Variants in LEKR1 observed in about 807,000 individuals in gnomAD.
LEKR1 encodes protein LEKR1.
Under a neutral mutation model 72.4 loss-of-function variants are expected in LEKR1, and 59 were observed. That is an observed-to-expected ratio of 0.82 (90% CI 0.66 to 1.01). The LOEUF (loss-of-function observed/expected upper bound fraction) is 1.01. LEKR1 is among the 50% of genes least tolerant of loss of function. The pLI, the probability that LEKR1 is intolerant of heterozygous loss-of-function variation, is 0.00. For synonymous variants in LEKR1, 257 were observed against 263.2 expected, an observed-to-expected ratio of 0.98 and a Z score of 0.23; for missense variants, 728 against 759.2, an observed-to-expected ratio of 0.96 and a Z score of 0.48.
intron 3 of LEKR1, among the ~76,000 whole-genome samples, chr3:156,858,363 T>C (rs1051745631): frequency 3.3e-5 from 5 of 152,126 alleles, no homozygotes; most frequent in Admixed American, 1.3e-4. Flanking sequence ...TAATCAAATA[T>C]GTTCCTTTTT....
intron 9 of LEKR1, among the ~76,000 whole-genome samples, chr3:157,011,188 T>C (rs1347794758): frequency 6.6e-6 from 1 of 152,128 alleles, no homozygotes; most frequent in Non-Finnish European, 1.5e-5. Flanking sequence ...ATCTTATTAC[T>C]TATTAAGCAA....
chr3:157,018,361 C>G (rs541983684), intron 10 of LEKR1, among the ~76,000 whole-genome samples: 9 of 152,268 alleles, frequency 5.9e-5, no homozygotes, highest in Admixed American at 5.9e-4. Flanking sequence ...CTCAATTTGA[C>G]AGCAGAATAC....
chr3:156,882,343 A>G (rs1191285319), intron 3 of LEKR1, among the ~76,000 whole-genome samples: 1 of 151,374 alleles, frequency 6.6e-6, no homozygotes, highest in Admixed American at 6.6e-5. Flanking sequence ...TGGGCGAAGG[A>G]CATGAACAGA....
intron 3 of LEKR1, among the ~76,000 whole-genome samples, chr3:156,884,174 T>C (rs9877205): frequency 1.3e-5 from 2 of 152,326 alleles, no homozygotes; most frequent in East Asian, 3.9e-4. Flanking sequence ...TCATGTTTTA[T>C]GTGAGTCTCT....
chr3:156,847,047 A>G (rs980562432), intron 2 of LEKR1, among the ~76,000 whole-genome samples: 3 of 152,118 alleles, frequency 2.0e-5, no homozygotes, highest in Non-Finnish European at 2.9e-5. Context: ...GGCTCAAGCA[A>G]TCCACCTACC....
chr3:156,829,857 G>C (rs866922054), intron 2 of LEKR1, among the ~76,000 whole-genome samples: 3 of 151,970 alleles, frequency 2.0e-5, no homozygotes, highest in Non-Finnish European at 4.4e-5. Context: ...TTGAAGATTT[G>C]GAATGGTTTG....
At chr3:157,025,361 T>A (rs1734108995) in intron 11 of LEKR1, among the ~76,000 whole-genome samples, 1 of 152,210 alleles carries the variant, frequency 6.6e-6, no homozygotes, top group South Asian at 2.1e-4. Context: ...TAAAATGTAA[T>A]TACACCTCCC....
intron 6 of LEKR1, among the ~76,000 whole-genome samples, chr3:156,948,629 T>C (rs1406160794): frequency 6.6e-6 from 1 of 151,474 alleles, no homozygotes; most frequent in Non-Finnish European, 1.5e-5. Flanking sequence ...GCTATAAACA[T>C]TTGCATGCAT....
At chr3:157,006,961 G>A (rs1191957283) in intron 9 of LEKR1, among the ~76,000 whole-genome samples, 25 of 152,184 alleles carry the variant, frequency 1.6e-4, no homozygotes, top group Admixed American at 1.6e-3. Flanking sequence ...CAGCACTTTG[G>A]GAGGCCGAGG....
intron 2 of LEKR1, among the ~76,000 whole-genome samples, chr3:156,842,086 C>T (rs1430567214): frequency 6.6e-6 from 1 of 152,170 alleles, no homozygotes; most frequent in Non-Finnish European, 1.5e-5. Flanking sequence ...ACAATTTCAT[C>T]CCAAAATCAT....
chr3:156,968,439 A>C (rs983679751), intron 6 of LEKR1, among the ~76,000 whole-genome samples: 1 of 152,218 alleles, frequency 6.6e-6, no homozygotes, highest in Non-Finnish European at 1.5e-5. Flanking sequence ...AGATCTACCA[A>C]GCAAATGGAA....
At chr3:156,973,743 T>A (rs1729450150) in intron 6 of LEKR1, among the ~76,000 whole-genome samples, 1 of 151,388 alleles carries the variant, frequency 6.6e-6, no homozygotes, top group Non-Finnish European at 1.5e-5. Context: ...AAAAGGAGAG[T>A]CATGAATGGC....
At chr3:156,958,509 G>GC (rs2107981750) in intron 6 of LEKR1, among the ~76,000 whole-genome samples, 1 of 152,178 alleles carries the variant, frequency 6.6e-6, no homozygotes, top group African/African-American at 2.4e-5. Flanking sequence ...CCCCAAGCCT[G>GC]CCCCTTTGCT....
At chr3:156,854,137 C>CTTTT (rs370896609) in intron 3 of LEKR1, among the ~76,000 whole-genome samples, 21 of 108,228 alleles carry the variant, frequency 1.9e-4, no homozygotes, top group East Asian at 2.4e-4. Flanking sequence ...GTAAAAATCA[C>CTTTT]TTTTTTTTTT....
At chr3:156,884,904 A>G (rs1719890245) in intron 3 of LEKR1, among the ~76,000 whole-genome samples, 1 of 152,040 alleles carries the variant, frequency 6.6e-6, no homozygotes, top group South Asian at 2.1e-4. Context: ...TTTCTTCCTC[A>G]AGAGCACCAA....
intron 6 of LEKR1, among the ~76,000 whole-genome samples, chr3:156,968,572 C>G (rs147602363): frequency 4.2e-3 from 643 of 152,300 alleles, no homozygotes; most frequent in African/African-American, 0.015. Flanking sequence ...GAAGAGCTAA[C>G]TATCCTAAAT....
chr3:156,889,403 T>A (rs1720434561), intron 3 of LEKR1, among the ~76,000 whole-genome samples: 1 of 152,084 alleles, frequency 6.6e-6, no homozygotes, highest in Non-Finnish European at 1.5e-5. Context: ...TAGAAGGAGA[T>A]GAAAATAATT....
chr3:156,853,072 C>G lies in LEKR1; in HGVS notation c.263+90C>G, dbSNP rs373954094. The stretch of plus-strand genomic sequence containing the variant: ...CTTTGAATGTTTTTCTAAAATTTCT[C>G]TACATCAGGTATAGTTTATACTTTA... On this transcript the variant is annotated intron_variant, in intron 3 of 12. Coordinates refer to ENST00000356539, the MANE Select transcript of LEKR1 (RefSeq NM_001004316.3). 3 of 768,966 alleles carry G rather than the reference C, an allele frequency of 3.9e-6. 1 individual carries two copies. The highest frequency in any genetic ancestry group is 5.3e-5 in the Admixed American group (2 of 37,900). The allele number at this position is 768,966 out of a possible 1,614,324, so 47.6% of individuals were successfully genotyped here. A position where few individuals can be genotyped will look rare whatever the true frequency, so the allele number is the denominator to read the frequency against.
chr3:156,859,180 T>G (rs1716450212), intron 3 of LEKR1, among the ~76,000 whole-genome samples: 1 of 152,220 alleles, frequency 6.6e-6, no homozygotes, highest in African/African-American at 2.4e-5. Context: ...TACATATATT[T>G]GTACTTAGTT....
Sources: allele counts gnomAD v4.1 joint callset (sites outside exome capture counted in the v4.1 genomes callset), GRCh38; gene constraint gnomAD v4.1.1; transcripts MANE v1.5; gene names NCBI Gene and HGNC (gene_info 2026-07-23, HGNC 2026-07-21).